Variants in CNGB3 observed in about 807,000 individuals in gnomAD.
The protein encoded by CNGB3 is cyclic nucleotide-gated channel beta-3.
A neutral mutation model predicts 92.8 loss-of-function variants in CNGB3; 86 were observed. That is an observed-to-expected ratio of 0.93 (90% CI 0.78 to 1.11). The LOEUF is 1.11. CNGB3 is among the 50% of genes least tolerant of loss of function. The probability of loss-of-function intolerance (pLI) is 0.00; values close to 1 mark genes in which losing one functional copy is unlikely to be tolerated. For synonymous variants in CNGB3, 333 were observed against 332.7 expected (o/e 1.00, Z -0.01); for missense variants, 1,026 against 956.8 (o/e 1.07, Z -0.95).
intron 3 of CNGB3, among the ~76,000 whole-genome samples, chr8:86,705,518 T>C (rs187428948): frequency 2.0e-5 from 3 of 152,150 alleles, no homozygotes; most frequent in African/African-American, 7.2e-5. Flanking sequence ...GGGGAGATTA[T>C]CCTGGATTAT....
intron 1 of CNGB3, among the ~76,000 whole-genome samples, chr8:86,742,265 G>A (rs931790173): frequency 9.2e-5 from 14 of 152,180 alleles, no homozygotes; most frequent in African/African-American, 2.9e-4. Flanking sequence ...ACTAGCTGAA[G>A]GAAAGTACCA....
chr8:86,597,677 C>T (rs936065909), intron 15 of CNGB3, among the ~76,000 whole-genome samples: 1 of 152,064 alleles, frequency 6.6e-6, no homozygotes, highest in Non-Finnish European at 1.5e-5. Context: ...CAATGGGTGT[C>T]TGGATTAAAG....
chr8:86,711,531 T>C (rs1563763094), intron 3 of CNGB3, among the ~76,000 whole-genome samples: 3 of 152,156 alleles, frequency 2.0e-5, no homozygotes, highest in Non-Finnish European at 4.4e-5. Flanking sequence ...TGGTTTTCTA[T>C]GGCAACAGGC....
At chr8:86,644,016 G>A in intron 9 of CNGB3, 143 bp from the exon 10 acceptor site, 1 of 754,126 alleles carries the variant, frequency 1.3e-6, no homozygotes, top group Non-Finnish European at 2.2e-6. Context: ...ACAGTACAAA[G>A]TGATGGTGCC....
chr8:86,691,761 G>C (rs1046193242), intron 3 of CNGB3, among the ~76,000 whole-genome samples: 3 of 151,936 alleles, frequency 2.0e-5, no homozygotes, highest in African/African-American at 7.2e-5. Context: ...CTTTTCTTCT[G>C]CTGGGTTGTG....
rs191956119 is a variant in CNGB3, at chr8:86,587,895, G to A, written c.1782-8643C>T. 3.3e-5 allele frequency among the ~76,000 whole-genome samples: 5 copies of A among 152,256 alleles called. No individual in the cohort carries two copies. In the East Asian group the frequency reaches 9.6e-4, roughly 29 times the overall value. On this transcript the variant is annotated intron_variant, in intron 15 of 17. Transcript: ENST00000320005. Reference sequence around the variant, plus strand: ...TGATGAAACGCATTGGTAGCTTGATGGGGATTGCATTGAATCTGTAAATTA... The same window carrying A: ...TGATGAAACGCATTGGTAGCTTGATAGGGATTGCATTGAATCTGTAAATTA...
intron 6 of CNGB3, chr8:86,659,564 G>T: frequency 1.8e-6 from 1 of 566,456 alleles, no homozygotes. Context: ...TTGTATTTGT[G>T]TCTTCTTCTG....
intron 10 of CNGB3, among the ~76,000 whole-genome samples, chr8:86,634,984 T>C (rs972544122): frequency 1.3e-4 from 19 of 151,674 alleles, no homozygotes; most frequent in Admixed American, 2.0e-4. Flanking sequence ...TTTAACCTAG[T>C]TCCTTGTTAT....
intron 3 of CNGB3, among the ~76,000 whole-genome samples, chr8:86,712,089 C>T (rs1276792285): frequency 4.0e-5 from 6 of 151,644 alleles, no homozygotes; most frequent in African/African-American, 7.3e-5. Context: ...GTGGTAGTAA[C>T]GGATGAAAGA....
chr8:86,658,077 C>A, intron 6 of CNGB3: 1 of 529,980 alleles, frequency 1.9e-6, no homozygotes, highest in Non-Finnish European at 3.5e-6. Context: ...CCATGGCCCC[C>A]TGCAGGGCCG....
chr8:86,660,956 A>C (rs969758185), intron 6 of CNGB3, among the ~76,000 whole-genome samples: 4 of 152,162 alleles, frequency 2.6e-5, no homozygotes, highest in Non-Finnish European at 5.9e-5. Flanking sequence ...GTTAGGAGCC[A>C]TGGTCCAGAA....
intron 2 of CNGB3, among the ~76,000 whole-genome samples, chr8:86,735,294 C>A (rs1586043671): frequency 6.6e-6 from 1 of 151,470 alleles, no homozygotes; most frequent in Admixed American, 6.6e-5. Context: ...AGGCATCCAC[C>A]ACCATGCCTG....
At chr8:86,704,583 G>A (rs1211755470) in intron 3 of CNGB3, among the ~76,000 whole-genome samples, 1 of 152,146 alleles carries the variant, frequency 6.6e-6, no homozygotes, top group Non-Finnish European at 1.5e-5. Flanking sequence ...GGCTTTGGGA[G>A]CTACATCAGG....
At chr8:86,591,934 C>G (rs1234989287) in intron 15 of CNGB3, among the ~76,000 whole-genome samples, 1 of 152,228 alleles carries the variant, frequency 6.6e-6, no homozygotes, top group Non-Finnish European at 1.5e-5. Context: ...CGCCCCTCCC[C>G]CAGCCTCGCT....
In CNGB3 at chr8:86,614,969, T is replaced by G. The variant is rs1044511656; in HGVS notation, c.1579-3298A>C. 3.3e-5 allele frequency among the ~76,000 whole-genome samples: 5 copies of G among 152,136 alleles called. No individual in the cohort carries two copies. The East Asian group carries it at 9.6e-4, about 29-fold the overall frequency. On this transcript the variant is annotated intron_variant, in intron 13 of 17. Coordinates refer to ENST00000320005, the MANE Select transcript of CNGB3 (RefSeq NM_019098.5). ...ATCCATGGATTCCACCTCCACGGGT[T>G]CAAACAACTGTGGATGGAGAATATT...
chr8:86,690,243 A>T (rs1824282775), intron 3 of CNGB3, among the ~76,000 whole-genome samples: 1 of 152,216 alleles, frequency 6.6e-6, no homozygotes, highest in Non-Finnish European at 1.5e-5. Context: ...TGACTTTTTA[A>T]TGATCACCAT....
At chr8:86,729,068 A>C (rs1398362154) in intron 2 of CNGB3, among the ~76,000 whole-genome samples, 3 of 151,760 alleles carry the variant, frequency 2.0e-5, no homozygotes, top group African/African-American at 7.3e-5. Context: ...GAGCCACCAC[A>C]CCCAGTTAAT....
rs572137585 is a variant in CNGB3 at position 86,638,056 on chromosome 8, T to C, written c.1179-5163A>G. On this transcript the variant is annotated intron_variant, in intron 10 of 17. Coordinates refer to ENST00000320005, the MANE Select transcript of CNGB3 (RefSeq NM_019098.5). ...ATTTATGTTGTGTATTGGTAATTTA[T>C]TCCTTTTTATTGCTGCATAGTATTC... is the stretch of plus-strand genomic sequence containing the variant. Among the ~76,000 whole-genome samples, 3 of 152,296 alleles carry C rather than the reference T, an allele frequency of 2.0e-5. No individual in the cohort carries two copies. In the South Asian group the frequency reaches 6.2e-4, roughly 32 times the overall value.
chr8:86,742,761 TA>T (rs1825363978), intron 1 of CNGB3, among the ~76,000 whole-genome samples: 1 of 152,222 alleles, frequency 6.6e-6, no homozygotes, highest in Admixed American at 6.5e-5. Context: ...TTATTAATAA[TA>T]ATAATAGCCA....
Sources: gnomAD v4.1 joint callset for allele counts (sites outside exome capture counted in the v4.1 genomes callset) on GRCh38, gnomAD v4.1.1 for gene constraint, MANE v1.5 for transcripts, NCBI Gene and HGNC (gene_info 2026-07-23, HGNC 2026-07-21) for gene names.